Variants in LRP6 observed in about 807,000 individuals in gnomAD.
The protein encoded by LRP6 is LDL receptor related protein 6.
In LRP6, 43 loss-of-function variants were observed where a neutral mutation model predicts 184.1. The ratio of observed to expected loss-of-function variants is 0.23; its 90% CI spans 0.18 to 0.30. The LOEUF (loss-of-function observed/expected upper bound fraction) is 0.30, where lower values mean the gene tolerates loss of function less well. Ranked by LOEUF, LRP6 falls within the 10% of genes least tolerant of loss-of-function variation. The pLI, the probability that LRP6 is intolerant of heterozygous loss-of-function variation, is 1.00. For missense variants in LRP6, 1,571 were observed against 2,005.3 expected (o/e 0.78, Z 4.14); for synonymous variants, 719 against 684.9 (o/e 1.05, Z -0.78).
intron 1 of LRP6, among the ~76,000 whole-genome samples, chr12:12,265,002 C>A (rs1865720863): frequency 6.6e-6 from 1 of 152,194 alleles, no homozygotes; most frequent in Admixed American, 6.5e-5. Flanking sequence ...ACGGCATTTA[C>A]ATCACACGCT....
chr12:12,131,792 A>G, intron 18 of LRP6, 29 bp downstream of exon 18: 2 of 1,572,608 alleles, frequency 1.3e-6, no homozygotes, highest in Non-Finnish European at 1.8e-6. Flanking sequence ...AAAGGATTGC[A>G]TGCTGAGGCA....
chr12:12,251,459 G>C (rs771656162), intron 1 of LRP6, among the ~76,000 whole-genome samples: 49 of 151,890 alleles, frequency 3.2e-4, no homozygotes, highest in Non-Finnish European at 6.3e-4. Flanking sequence ...CACCTCCCGG[G>C]TTCATGCCAT....
At chr12:12,266,565 CT>C (rs1865770074) in intron 1 of LRP6, 115 bp downstream of exon 1, 2 of 895,002 alleles carry the variant, frequency 2.2e-6, no homozygotes, top group Non-Finnish European at 3.5e-6. Context: ...GACCAGGCCT[CT>C]CCCCGCTCCT....
intron 2 of LRP6, among the ~76,000 whole-genome samples, chr12:12,214,785 A>G (rs1864296009): frequency 6.6e-6 from 1 of 152,202 alleles, no homozygotes; most frequent in South Asian, 2.1e-4. Flanking sequence ...TAAACATAGA[A>G]GTTGACCCTT....
At chr12:12,127,114 A>C (rs1949683411) in intron 19 of LRP6, among the ~76,000 whole-genome samples, 193 bp from the exon 20 acceptor site, 1 of 152,230 alleles carries the variant, frequency 6.6e-6, no homozygotes, top group Non-Finnish European at 1.5e-5. Context: ...ATCATTAGGA[A>C]TCAAAATGAA....
intron 7 of LRP6, among the ~76,000 whole-genome samples, chr12:12,170,325 C>A (rs1286307327): frequency 6.6e-6 from 1 of 152,080 alleles, no homozygotes; most frequent in Non-Finnish European, 1.5e-5. Context: ...GAATGAGACT[C>A]ATCTCAAAAA....
At chr12:12,160,994 T>C (rs2136942380) in intron 10 of LRP6, among the ~76,000 whole-genome samples, 1 of 152,374 alleles carries the variant, frequency 6.6e-6, no homozygotes, top group South Asian at 2.1e-4. Flanking sequence ...GTCCTGCCTT[T>C]ATATGCATTT....
At chr12:12,204,928 T>C (rs1864013828) in intron 2 of LRP6, among the ~76,000 whole-genome samples, 3 of 150,534 alleles carry the variant, frequency 2.0e-5, no homozygotes, top group African/African-American at 4.9e-5. Flanking sequence ...GATCACACCA[T>C]TGCACTCTAG....
chr12:12,155,318 T>G (rs1950136741), intron 12 of LRP6: 4 of 757,474 alleles, frequency 5.3e-6, no homozygotes, highest in Non-Finnish European at 9.7e-6. Flanking sequence ...CTAGGCCTTT[T>G]AGAAAGCATG....
At chr12:12,183,856 G>T in intron 5 of LRP6, 124 bp downstream of exon 5, 1 of 801,626 alleles carries the variant, frequency 1.2e-6, no homozygotes, top group Non-Finnish European at 2.1e-6. Context: ...CATGTGTGAA[G>T]ACTGTGAAAT....
At chr12:12,130,749 T>C (rs1949740787) in intron 19 of LRP6, 34 bp downstream of exon 19, 1 of 1,339,318 alleles carries the variant, frequency 7.5e-7, no homozygotes, top group African/African-American at 1.4e-5. Flanking sequence ...AAATTCTCTG[T>C]TAAGAGTAAT....
rs1222460445 is a variant in LRP6 at position 12,181,356 on chromosome 12, G to A, written c.1060C>T (p.Leu354=). The A allele has an allele frequency of 6.2e-7, 1 of 1,611,290 alleles. No individual in the cohort carries two copies. The change falls in exon 6 of 23, where the codon CTG becomes TTG. Residue 354 remains leucine (L), a synonymous_variant. Transcript: ENST00000261349. ...LDTPDFTDIV[L]QLEDIRHAIA... is the part of the protein sequence containing the mutation. ...GCATGACGGATGTCTTCTAACTGCA[G>A]AACAATGTCTGTAAAATCTGGTGTA...
chr12:12,171,532 AAAATAAATAAATAAATAAATAAAT>A (rs150432884), intron 7 of LRP6, among the ~76,000 whole-genome samples: 7 of 147,324 alleles, frequency 4.8e-5, no homozygotes, highest in Non-Finnish European at 7.5e-5. Context: ...AAAAAAAAAT[AAAATAAATAAATAAATAAATAAAT>A]AAATAAATAA....
At chr12:12,124,739 C>A in intron 21 of LRP6, 77 bp from the exon 22 acceptor site, 2 of 892,166 alleles carry the variant, frequency 2.2e-6, no homozygotes, top group Non-Finnish European at 3.6e-6. Flanking sequence ...TTTCTTCCTT[C>A]ATCTCTATTA....
intron 1 of LRP6, among the ~76,000 whole-genome samples, chr12:12,253,867 G>A (rs1034044972): frequency 2.0e-5 from 3 of 152,128 alleles, no homozygotes; most frequent in Non-Finnish European, 4.4e-5. Context: ...CTATGGGCCA[G>A]GTGTGGTGGC....
At chr12:12,236,029 T>C (rs1230111758) in intron 2 of LRP6, among the ~76,000 whole-genome samples, 3 of 151,822 alleles carry the variant, frequency 2.0e-5, no homozygotes, top group Admixed American at 2.0e-4. Context: ...ATCGAGACCA[T>C]CCGGGCTAAC....
chr12:12,158,963 C>A lies in LRP6; in HGVS notation c.2657G>T (p.Arg886Leu). ...VMDILVFHSS[R>L]QSGWNECASS... ...AGCACATTCATTCCACCCTGACTGT[C>A]GAGATGAGTGAAAGACGAGGATGTC... Residue 886 changes from arginine (R) to leucine (L), a missense_variant, in exon 12 of 23, where the codon CGA becomes CTA. Transcript: ENST00000261349. 6.2e-7 allele frequency: 1 copy of A among 1,614,188 alleles called. No individual in the cohort carries two copies. Among genetic ancestry groups the A allele is most frequent in the Non-Finnish European group, 8.5e-7 (1 of 1,180,028 alleles).
At chr12:12,155,252 A>G in intron 12 of LRP6, 1 of 737,216 alleles carries the variant, frequency 1.4e-6, no homozygotes, top group South Asian at 1.4e-5. Flanking sequence ...TCTTCCAGTA[A>G]TTTGCCAAAA....
rs902317513 is a variant in LRP6, at chr12:12,119,573, G to A, written c.*1553C>T. Reference sequence around the variant, plus strand: ...CAGTACCATACATGACAGCAGGTCAGGCAGATCACAAAAGAGGCTTCCATT... The same window carrying A: ...CAGTACCATACATGACAGCAGGTCAAGCAGATCACAAAAGAGGCTTCCATT... On this transcript the variant is annotated 3_prime_UTR_variant, in exon 23 of 23. Coordinates refer to ENST00000261349, the MANE Select transcript of LRP6 (RefSeq NM_002336.3). 1.3e-5 allele frequency: 2 copies of A among 152,118 alleles called. No individual in the cohort carries two copies. Among genetic ancestry groups the A allele is most frequent in the South Asian group, 4.1e-4 (2 of 4,828 alleles). 9.4% of individuals were successfully genotyped at this position (152,118 alleles called of 1,614,324 possible).
Sources: allele counts gnomAD v4.1 joint callset (sites outside exome capture counted in the v4.1 genomes callset), GRCh38; gene constraint gnomAD v4.1.1; transcripts MANE v1.5; gene names NCBI Gene and HGNC (gene_info 2026-07-23, HGNC 2026-07-21).